Variants in IMPG1 observed in about 807,000 individuals in gnomAD.
The protein encoded by IMPG1 is interphotoreceptor matrix proteoglycan of 150 kDa.
A neutral mutation model predicts 92.0 loss-of-function variants in IMPG1; 85 were observed. The observed-to-expected ratio is 0.92, with a 90% CI of 0.78 to 1.11. The LOEUF (loss-of-function observed/expected upper bound fraction) is 1.11, where lower values mean the gene tolerates loss of function less well. Ranked by LOEUF, IMPG1 falls within the 50% of genes least tolerant of loss-of-function variation. The pLI, the probability that IMPG1 is intolerant of heterozygous loss-of-function variation, is 0.00. For missense variants in IMPG1, 1,022 were observed against 956.0 expected, an observed-to-expected ratio of 1.07 and a Z score of -0.91; for synonymous variants, 367 against 334.1, an observed-to-expected ratio of 1.10 and a Z score of -1.08.
intron 12 of IMPG1, among the ~76,000 whole-genome samples, chr6:75,979,390 A>T (rs1782592371): frequency 6.6e-6 from 1 of 152,168 alleles, no homozygotes; most frequent in Non-Finnish European, 1.5e-5. Flanking sequence ...CATCCAATGA[A>T]GTGGCAGTGC....
At chr6:76,041,674 A>G (rs911958349) in intron 2 of IMPG1, among the ~76,000 whole-genome samples, 2 of 152,210 alleles carry the variant, frequency 1.3e-5, no homozygotes, top group Admixed American at 6.5e-5. Context: ...TATTGGTTCT[A>G]TGCTGCACAA....
intron 1 of IMPG1, among the ~76,000 whole-genome samples, chr6:76,045,532 CT>C (rs1174299085): frequency 5.9e-5 from 9 of 151,578 alleles, no homozygotes; most frequent in African/African-American, 1.9e-4. Flanking sequence ...GAGAACCCCC[CT>C]GTGATGATGC....
At chr6:76,051,476 C>T (rs1426635606) in intron 1 of IMPG1, among the ~76,000 whole-genome samples, 1 of 152,156 alleles carries the variant, frequency 6.6e-6, no homozygotes, top group Non-Finnish European at 1.5e-5. Flanking sequence ...ACAGGTAGTT[C>T]TCAACAAACT....
intron 12 of IMPG1, among the ~76,000 whole-genome samples, chr6:75,967,935 T>C (rs993137456): frequency 2.6e-5 from 4 of 152,188 alleles, no homozygotes; most frequent in Non-Finnish European, 4.4e-5. Flanking sequence ...TTTGAAACAA[T>C]TGCCTGCTGG....
intron 14 of IMPG1, among the ~76,000 whole-genome samples, chr6:75,944,757 A>G (rs1781897583): frequency 6.6e-6 from 1 of 152,246 alleles, no homozygotes; most frequent in South Asian, 2.1e-4. Context: ...GTAGTCATTC[A>G]ACATTCAACA....
intron 4 of IMPG1, among the ~76,000 whole-genome samples, chr6:76,026,612 A>C (rs2185637): frequency 0.99 from 151,201 of 152,358 alleles, 75,031 homozygotes; most frequent in East Asian, 1. Flanking sequence ...GCTTCCCTGG[A>C]CAAAGGGTTC....
chr6:75,949,257 A>G (rs1210611161), intron 13 of IMPG1, among the ~76,000 whole-genome samples: 1 of 152,180 alleles, frequency 6.6e-6, no homozygotes, highest in African/African-American at 2.4e-5. Context: ...TCGGCACAAG[A>G]CACAGGTCAT....
At chr6:76,045,882 G>T (rs1783931762) in intron 1 of IMPG1, among the ~76,000 whole-genome samples, 1 of 152,074 alleles carries the variant, frequency 6.6e-6, no homozygotes, top group South Asian at 2.1e-4. Flanking sequence ...AAAAGAGGAG[G>T]TGAAAATTTA....
intron 8 of IMPG1, among the ~76,000 whole-genome samples, chr6:76,010,835 C>T (rs2765805): frequency 0.95 from 145,283 of 152,286 alleles, 69,659 homozygotes; most frequent in East Asian, 1. Context: ...TTAATGTCTA[C>T]CTTTTTTCAT....
At chr6:76,067,222 A>T (rs1784324255) in intron 1 of IMPG1, among the ~76,000 whole-genome samples, 1 of 152,122 alleles carries the variant, frequency 6.6e-6, no homozygotes, top group Non-Finnish European at 1.5e-5. Context: ...ACTAAAAAAA[A>T]AATAAAAAGC....
chr6:75,971,473 A>G (rs1562353089), intron 12 of IMPG1, among the ~76,000 whole-genome samples: 2 of 151,642 alleles, frequency 1.3e-5, no homozygotes. Context: ...TATAATAATA[A>G]TAAAAAAAAA....
At chr6:76,023,178 T>A (rs558112795) in intron 5 of IMPG1, among the ~76,000 whole-genome samples, 1 of 152,230 alleles carries the variant, frequency 6.6e-6, no homozygotes, top group Non-Finnish European at 1.5e-5. Flanking sequence ...ATAAAGTACA[T>A]ACCCTGTGGC....
At chr6:76,035,916 C>T (rs1185323715) in intron 2 of IMPG1, among the ~76,000 whole-genome samples, 1 of 152,122 alleles carries the variant, frequency 6.6e-6, no homozygotes, top group Non-Finnish European at 1.5e-5. Context: ...TGATTCTTTG[C>T]TTTCAACAAA....
At chr6:75,931,730 A>G (rs1781672236) in intron 14 of IMPG1, among the ~76,000 whole-genome samples, 1 of 152,166 alleles carries the variant, frequency 6.6e-6, no homozygotes, top group Admixed American at 6.5e-5. Flanking sequence ...CTTTTGGATT[A>G]ATTATTTCTT....
chr6:76,022,774 T>C (rs1048955520), intron 5 of IMPG1, among the ~76,000 whole-genome samples: 3 of 152,210 alleles, frequency 2.0e-5, no homozygotes, highest in Non-Finnish European at 4.4e-5. Flanking sequence ...CAAGTCTGGG[T>C]TCTATTCAAG....
intron 12 of IMPG1, among the ~76,000 whole-genome samples, chr6:75,969,979 T>C (rs1218655134): frequency 6.6e-6 from 1 of 152,232 alleles, no homozygotes; most frequent in Non-Finnish European, 1.5e-5. Flanking sequence ...GTTTTCTTCC[T>C]ATTTTAGTTA....
intron 12 of IMPG1, among the ~76,000 whole-genome samples, chr6:75,974,393 T>TTCTTTCCTTCCTTCCTTCC: frequency 1.5e-5 from 1 of 65,030 alleles, no homozygotes; most frequent in African/African-American, 5.9e-5. Flanking sequence ...CTTTCTTTCT[T>TTCTTTCCTTCCTTCCTTCC]TTCTTTCTTT....
intron 15 of IMPG1, among the ~76,000 whole-genome samples, chr6:75,929,346 T>C (rs898280681): frequency 2.0e-5 from 3 of 152,092 alleles, no homozygotes; most frequent in Non-Finnish European, 4.4e-5. Flanking sequence ...ATCCAGTATC[T>C]TCTGTATTTT....
At chr6:76,072,381 T>C (rs769850564) in intron 1 of IMPG1, 41 bp downstream of exon 1, 1 of 1,101,500 alleles carries the variant, frequency 9.1e-7, no homozygotes. Flanking sequence ...CGGTAGATTT[T>C]ATAGATAAGC....
Sources: gnomAD v4.1 joint callset for allele counts (sites outside exome capture counted in the v4.1 genomes callset) on GRCh38, gnomAD v4.1.1 for gene constraint, MANE v1.5 for transcripts, NCBI Gene and HGNC (gene_info 2026-07-23, HGNC 2026-07-21) for gene names.